Variants in TENM2 observed in about 807,000 individuals in gnomAD.
TENM2 encodes the protein teneurin-2.
A neutral mutation model predicts 245.2 loss-of-function variants in TENM2; 52 were observed. The ratio of observed to expected loss-of-function variants is 0.21; its 90% CI spans 0.17 to 0.27. The LOEUF is 0.27. Among genes scored for constraint, TENM2 ranks in the 10% least tolerant of loss-of-function variants. TENM2 has a pLI of 1.00. For missense variants in TENM2, 3,046 were observed against 3,666.8 expected, an observed-to-expected ratio of 0.83 and a Z score of 4.37; for synonymous variants, 1,363 against 1,438.9, an observed-to-expected ratio of 0.95 and a Z score of 1.19.
At chr5:168,056,885 G>A (rs1367514109) in intron 6 of TENM2, among the ~76,000 whole-genome samples, 1 of 152,098 alleles carries the variant, frequency 6.6e-6, no homozygotes, top group East Asian at 1.9e-4. Flanking sequence ...TGCTGTACAT[G>A]TTTGTAACCT....
At chr5:167,111,100 A>T in the TENM2 span, among the ~76,000 whole-genome samples, 1 of 152,216 alleles carries the variant, frequency 6.6e-6, no homozygotes. Context: ...TTTTCTTGGA[A>T]TATTTTAGAT....
intron 1 of TENM2, among the ~76,000 whole-genome samples, chr5:167,330,328 T>G (rs1015306958): frequency 1.3e-5 from 2 of 152,172 alleles, no homozygotes; most frequent in African/African-American, 4.8e-5. Flanking sequence ...GAAACTGAGA[T>G]GTAGAGAAGG....
At chr5:167,528,516 G>A (rs1175516043) in intron 2 of TENM2, among the ~76,000 whole-genome samples, 1 of 152,040 alleles carries the variant, frequency 6.6e-6, no homozygotes, top group East Asian at 1.9e-4. Flanking sequence ...GAAGTTTGTT[G>A]GGAGGCTTAA....
At chr5:167,662,473 AT>A (rs1755279581) in intron 2 of TENM2, among the ~76,000 whole-genome samples, 1 of 152,146 alleles carries the variant, frequency 6.6e-6, no homozygotes, top group African/African-American at 2.4e-5. Context: ...TTATTAGTTA[AT>A]TCACCCCAAA....
intron 2 of TENM2, among the ~76,000 whole-genome samples, chr5:167,830,764 C>T (rs1768402277): frequency 6.6e-6 from 1 of 152,156 alleles, no homozygotes. Context: ...CTGAGTGCCT[C>T]AGAGGGCTTA....
chr5:167,760,879 G>A (rs1463480870), intron 2 of TENM2, among the ~76,000 whole-genome samples: 1 of 151,926 alleles, frequency 6.6e-6, no homozygotes, highest in African/African-American at 2.4e-5. Flanking sequence ...TCGAACTCCT[G>A]ACCTCAGGTG....
intron 1 of TENM2, among the ~76,000 whole-genome samples, chr5:167,363,192 T>C (rs544901996): frequency 3.1e-4 from 47 of 152,244 alleles, no homozygotes; most frequent in South Asian, 2.7e-3. Flanking sequence ...AGGTTTTCAT[T>C]GTGAGCAAAG....
At chr5:167,541,017 TG>T in intron 2 of TENM2, among the ~76,000 whole-genome samples, 1 of 152,226 alleles carries the variant, frequency 6.6e-6, no homozygotes, top group Non-Finnish European at 1.5e-5. Flanking sequence ...GGCCCAGAAG[TG>T]GGAACGGTAC....
At chr5:167,870,096 C>G (rs13357838) in intron 2 of TENM2, among the ~76,000 whole-genome samples, 2,099 of 152,262 alleles carry the variant, frequency 0.014, 43 homozygotes, top group African/African-American at 0.049. Flanking sequence ...CAATACTTAA[C>G]TTTAACACAA....
the TENM2 span, among the ~76,000 whole-genome samples, chr5:167,064,043 C>T: frequency 6.6e-6 from 1 of 152,162 alleles, no homozygotes; most frequent in Non-Finnish European, 1.5e-5. Flanking sequence ...CTGTTTGTCA[C>T]CCAGCAGGTG....
the TENM2 span, among the ~76,000 whole-genome samples, chr5:167,203,044 G>A: frequency 3.3e-5 from 5 of 152,184 alleles, no homozygotes; most frequent in Non-Finnish European, 7.3e-5. Context: ...TATAAAGGGA[G>A]AAATTGGAAC....
chr5:167,977,274 G>A (rs1019503422), intron 4 of TENM2, among the ~76,000 whole-genome samples: 1 of 152,014 alleles, frequency 6.6e-6, no homozygotes, highest in Non-Finnish European at 1.5e-5. Flanking sequence ...AAACCCCCAT[G>A]ACACGAGTTT....
intron 2 of TENM2, among the ~76,000 whole-genome samples, chr5:167,400,152 A>G (rs753405120): frequency 6.6e-6 from 1 of 151,932 alleles, no homozygotes; most frequent in Non-Finnish European, 1.5e-5. Flanking sequence ...TAGAAAAATT[A>G]TTCTAAATGT....
At chr5:167,885,338 C>A (rs921309810) in intron 3 of TENM2, among the ~76,000 whole-genome samples, 8 of 152,152 alleles carry the variant, frequency 5.3e-5, no homozygotes, top group Non-Finnish European at 1.5e-5. Context: ...TATTCTATGG[C>A]AGCCATTGTT....
intron 8 of TENM2, among the ~76,000 whole-genome samples, chr5:168,091,237 T>C (rs1792914616): frequency 6.6e-6 from 1 of 152,164 alleles, no homozygotes. Context: ...AAAATACTAA[T>C]AAAAAGTGAT....
At chr5:167,534,236 A>G (rs1020286416) in intron 2 of TENM2, among the ~76,000 whole-genome samples, 1 of 152,220 alleles carries the variant, frequency 6.6e-6, no homozygotes, top group South Asian at 2.1e-4. Context: ...GACTGTGGGT[A>G]GTCCTCAGCT....
chr5:167,201,827 A>G, the TENM2 span, among the ~76,000 whole-genome samples: 126 of 152,282 alleles, frequency 8.3e-4, no homozygotes, highest in African/African-American at 2.8e-3. Flanking sequence ...GCTGACTGAT[A>G]TAATTGAGTT....
intron 1 of TENM2, among the ~76,000 whole-genome samples, chr5:167,367,919 G>A (rs188026350): frequency 1.3e-5 from 2 of 151,908 alleles, no homozygotes; most frequent in East Asian, 1.9e-4. Flanking sequence ...GTACTATAAC[G>A]TTATAATATC....
intron 1 of TENM2, among the ~76,000 whole-genome samples, chr5:167,351,668 A>T (rs989243061): frequency 2.0e-5 from 3 of 152,136 alleles, no homozygotes; most frequent in African/African-American, 7.2e-5. Context: ...GCTATTTGAT[A>T]TTGGGGGACA....
Sources: gnomAD v4.1 joint callset for allele counts (sites outside exome capture counted in the v4.1 genomes callset) on GRCh38, gnomAD v4.1.1 for gene constraint, MANE v1.5 for transcripts, NCBI Gene and HGNC (gene_info 2026-07-23, HGNC 2026-07-21) for gene names.